Variants in PKHD1 observed in about 807,000 individuals in gnomAD.
PKHD1 encodes the protein fibrocystin.
In PKHD1, 291 loss-of-function variants were observed where a neutral mutation model predicts 412.0. That is an observed-to-expected ratio of 0.71 (90% confidence interval 0.64 to 0.78). PKHD1 has a LOEUF of 0.78. Among genes scored for constraint, PKHD1 ranks in the 30% least tolerant of loss-of-function variants. PKHD1 has a pLI of 0.00. For missense variants in PKHD1, 4,825 were observed against 4,950.7 expected, an observed-to-expected ratio of 0.97 and a Z score of 0.76; for synonymous variants, 1,777 against 1,821.5, an observed-to-expected ratio of 0.98 and a Z score of 0.62.
chr6:52,005,797 T>C (rs1798974131), intron 35 of PKHD1, among the ~76,000 whole-genome samples: 1 of 152,010 alleles, frequency 6.6e-6, no homozygotes, highest in Non-Finnish European at 1.5e-5. Context: ...TATTCACGTA[T>C]TGAAGGATCG....
At chr6:51,825,493 C>T (rs1480531673) in intron 52 of PKHD1, among the ~76,000 whole-genome samples, 1 of 152,030 alleles carries the variant, frequency 6.6e-6, no homozygotes, top group Non-Finnish European at 1.5e-5. Context: ...GGAACTGAGG[C>T]CTCTTAGTTG....
At chr6:51,634,077 T>G (rs1458472779) in intron 64 of PKHD1, among the ~76,000 whole-genome samples, 1 of 151,934 alleles carries the variant, frequency 6.6e-6, no homozygotes, top group Non-Finnish European at 1.5e-5. Flanking sequence ...AAAAAAAACT[T>G]GTTTATGAAC....
chr6:51,950,209 A>AG (rs1230373489), intron 36 of PKHD1, among the ~76,000 whole-genome samples: 2 of 103,508 alleles, frequency 1.9e-5, no homozygotes, highest in Non-Finnish European at 3.8e-5. Flanking sequence ...GGCAATATAG[A>AG]GAAAAAAAAA....
At position 51,829,285 on chromosome 6, in the gene PKHD1, G is replaced by T. The variant is rs1021366399; in HGVS notation, c.8302+1576C>A. On this transcript the variant is annotated intron_variant, in intron 52 of 66. Transcript: ENST00000371117. ...ATGAAGAATAGTGGAGAAAGCCAGG[G>T]ATCCCGGGACCCAGGACACACAGTG... Among the ~76,000 whole-genome samples, 3 of 137,266 alleles carry T rather than the reference G, an allele frequency of 2.2e-5. No homozygotes were observed. The East Asian group carries it at 5.9e-4, about 27-fold the overall frequency. The allele number at this position is 137,266 out of a possible 152,430, so 90.1% of individuals were successfully genotyped here. A position where few individuals can be genotyped will look rare whatever the true frequency, so the allele number is the denominator to read the frequency against.
Position 52,048,617 on chromosome 6 carries a change from G to C in PKHD1, c.2282C>G (p.Ser761Cys). ...CTCTTCTGTTCCTTCAGTGGGCACA[G>C]AGCTGTGGCACGTCAGAAACAAAGT... ...GTELPLITARSVPTEGTEEGS... is the reference protein window; with the variant it reads ...GTELPLITARCVPTEGTEEGS... Residue 761 changes from serine to cysteine, a missense_variant and splice_region_variant, in exon 23 of 67, where the codon TCT becomes TGT. By Grantham distance (112) the Ser-to-Cys change is moderately radical. Transcript: ENST00000371117. 1.2e-6 allele frequency: 2 copies of C among 1,614,126 alleles called. No individual in the cohort carries two copies. The highest frequency in any genetic ancestry group is 1.7e-6 in the Non-Finnish European group (2 of 1,179,988).
chr6:51,960,591 A>C (rs1791871802), intron 35 of PKHD1, among the ~76,000 whole-genome samples: 1 of 152,140 alleles, frequency 6.6e-6, no homozygotes, highest in African/African-American at 2.4e-5. Context: ...AAGTGCTCAG[A>C]TCTATCCTCC....
rs1421634055 is a variant in PKHD1, at chr6:51,889,489, A to G, written c.6997-2244T>C. Among the ~76,000 whole-genome samples the G allele has an allele frequency of 5.3e-5, 8 of 152,248 alleles. 1 individual carries two copies. Among genetic ancestry groups the G allele is most frequent in the Admixed American group, 5.2e-4 (8 of 15,284 alleles). ...ATGCCCAGTGAAATTTAAATTTCAGATAAAAAATAAAATATTTTAGTATAA... is the reference window on the plus strand; with the variant it reads ...ATGCCCAGTGAAATTTAAATTTCAGGTAAAAAATAAAATATTTTAGTATAA... On this transcript the variant is annotated intron_variant, in intron 43 of 66. Coordinates refer to ENST00000371117, the MANE Select transcript of PKHD1 (RefSeq NM_138694.4).
intron 52 of PKHD1, among the ~76,000 whole-genome samples, chr6:51,818,865 C>G (rs1274968975): frequency 1.3e-5 from 2 of 152,048 alleles, no homozygotes; most frequent in Non-Finnish European, 2.9e-5. Flanking sequence ...AGAAAAAACA[C>G]TGGAGGACAA....
At position 51,909,333 on chromosome 6, in the gene PKHD1, T is replaced by C; in HGVS notation, c.6632A>G (p.Gln2211Arg). Residue 2211 changes from glutamine to arginine, a missense_variant, in exon 40 of 67, where the codon CAA (glutamine) becomes CGA (arginine). Coordinates refer to ENST00000371117, the MANE Select transcript of PKHD1 (RefSeq NM_138694.4). ...LKGVQFQVLG[Q>R]AFHKHLSSLT... ...TGAGCTCAGATGCTTATGGAAGGCT[T>C]GCCCCAAGACTTGAAACTGCACTCC... is the stretch of plus-strand genomic sequence containing the variant. The C allele has an allele frequency of 6.2e-7, 1 of 1,613,532 alleles. No homozygotes were observed. Among genetic ancestry groups the C allele is most frequent in the Non-Finnish European group, 8.5e-7 (1 of 1,179,650 alleles).
chr6:51,971,826 G>C (rs897050070), intron 35 of PKHD1, among the ~76,000 whole-genome samples: 2 of 152,054 alleles, frequency 1.3e-5, no homozygotes, highest in Middle Eastern at 3.2e-3. Flanking sequence ...GACCTCCTGG[G>C]ATCAAGCAAT....
In PKHD1 at chr6:51,912,482, A is replaced by C. The variant is rs148817026; in HGVS notation, c.6216T>G (p.Pro2072=). ...CACTGATGATGACAACTTCATCCCC[A>C]GGGTTCCAGTCCACAGCATCTTCTA... is the stretch of plus-strand genomic sequence containing the variant. The part of the protein sequence containing the change: ...LALEDAVDWN[P]GDEVVIISGT... The change falls in exon 38 of 67, where the codon CCT becomes CCG. Residue 2072 remains proline, a synonymous_variant. Transcript: ENST00000371117. The C allele has an allele frequency of 5.5e-5, 89 of 1,612,700 alleles. No individual in the cohort carries two copies. The African/African-American group carries it at 9.1e-4, about 16-fold the overall frequency.
intron 10 of PKHD1, among the ~76,000 whole-genome samples, chr6:52,069,856 G>C (rs1382274815): frequency 6.6e-6 from 1 of 152,124 alleles, no homozygotes; most frequent in African/African-American, 2.4e-5. Flanking sequence ...ATGAGAAAGA[G>C]AGAAAATCTC....
rs1432032154 is a variant in PKHD1, at chr6:51,942,516, T to A, written c.5909-8194A>T. On this transcript the variant is annotated intron_variant, in intron 36 of 66. Transcript: ENST00000371117. ...CCTGGCTCCTTCAGCTGTACTCACT[T>A]TTTGTTGAGTCTCCCGCAATTACCA... 2.0e-5 allele frequency among the ~76,000 whole-genome samples: 3 copies of A among 151,572 alleles called. No individual in the cohort carries two copies. The East Asian group carries it at 5.8e-4, about 29-fold the overall frequency.
intron 28 of PKHD1, among the ~76,000 whole-genome samples, chr6:52,033,991 T>C (rs1803507671): frequency 6.6e-6 from 1 of 151,852 alleles, no homozygotes; most frequent in Admixed American, 6.6e-5. Flanking sequence ...TAGCTGGGCA[T>C]GGTGGTGCAT....
chr6:51,843,144 C>A (rs1347675467), intron 50 of PKHD1, among the ~76,000 whole-genome samples: 1 of 152,234 alleles, frequency 6.6e-6, no homozygotes, highest in African/African-American at 2.4e-5. Context: ...AGGCTCCATA[C>A]AGCCAAGCCC....
At chr6:52,051,012 G>T (rs1806757463) in intron 21 of PKHD1, among the ~76,000 whole-genome samples, 1 of 152,208 alleles carries the variant, frequency 6.6e-6, no homozygotes, top group Non-Finnish European at 1.5e-5. Context: ...TTACAATGGA[G>T]ACTTTAAAGA....
chr6:51,615,698 T>C lies in PKHD1; in HGVS notation c.*3383A>G, dbSNP rs1766004589. 6.6e-6 allele frequency: 1 copy of C among 152,220 alleles called. No individual in the cohort carries two copies. The highest frequency in any genetic ancestry group is 1.5e-5 in the Non-Finnish European group (1 of 68,044). The allele number at this position is 152,220 out of a possible 1,614,324, so 9.4% of individuals were successfully genotyped here. A position where few individuals can be genotyped will look rare whatever the true frequency, so the allele number is the denominator to read the frequency against. ...TGCATATAGTTTGCAGGCATTTCAATGTATAGTAATTTCATATATTTGGAG... is the reference window on the plus strand; with the variant it reads ...TGCATATAGTTTGCAGGCATTTCAACGTATAGTAATTTCATATATTTGGAG... On this transcript the variant is annotated 3_prime_UTR_variant, in exon 67 of 67. Transcript: ENST00000371117.
At chr6:51,777,904 C>G (rs1053725697) in intron 53 of PKHD1, among the ~76,000 whole-genome samples, 3 of 151,974 alleles carry the variant, frequency 2.0e-5, no homozygotes, top group Non-Finnish European at 4.4e-5. Flanking sequence ...GTTAGCCTGC[C>G]GTGATATTTT....
intron 60 of PKHD1, chr6:51,721,360 T>A (rs1252510813): frequency 3.9e-6 from 2 of 509,614 alleles, no homozygotes; most frequent in Non-Finnish European, 5.0e-6. Context: ...ATTGATAATA[T>A]ACCTATATTA....
Sources: gnomAD v4.1 joint callset for allele counts (sites outside exome capture counted in the v4.1 genomes callset) on GRCh38, gnomAD v4.1.1 for gene constraint, MANE v1.5 for transcripts, NCBI Gene and HGNC (gene_info 2026-07-23, HGNC 2026-07-21) for gene names.